SHANK2: variants seen among roughly 807,000 people sequenced by gnomAD.
SHANK2 encodes the protein SH3 and multiple ankyrin repeat domains protein 2.
SHANK2 carries 43 observed loss-of-function variants against 133.7 expected under a neutral mutation model. That is an observed-to-expected ratio of 0.32 (90% CI 0.25 to 0.41). SHANK2 has a LOEUF of 0.41. Among genes scored for constraint, SHANK2 ranks in the 10% least tolerant of loss-of-function variants. The probability of loss-of-function intolerance (pLI) is 1.00; values close to 1 mark genes in which losing one functional copy is unlikely to be tolerated. For synonymous variants in SHANK2, 1,017 were observed against 952.8 expected (o/e 1.07, Z -1.24); for missense variants, 1,994 against 2,235.8 (o/e 0.89, Z 2.18).
chr11:70,496,861 C>T (rs1034117600), intron 21 of SHANK2: 15 of 416,320 alleles, frequency 3.6e-5, no homozygotes, highest in African/African-American at 8.5e-5. Context: ...AACCACGAGG[C>T]GGGGGTGGGG....
At chr11:70,732,666 G>T (rs1264099478) in intron 14 of SHANK2, among the ~76,000 whole-genome samples, 6 of 152,174 alleles carry the variant, frequency 3.9e-5, no homozygotes, top group African/African-American at 1.4e-4. Context: ...TGCTGTTCCT[G>T]CTGCCTGCAG....
intron 6 of SHANK2, among the ~76,000 whole-genome samples, chr11:71,105,919 C>T (rs7929323): frequency 0.52 from 78,362 of 151,950 alleles, 20,717 homozygotes; most frequent in South Asian, 0.66. Context: ...CAGCACCAAG[C>T]GTAAACCCTC....
intron 2 of SHANK2, among the ~76,000 whole-genome samples, chr11:71,192,673 T>C (rs1555115631): frequency 1.1e-4 from 16 of 152,180 alleles, no homozygotes. Context: ...AATGACCTAA[T>C]CAATCCAATT....
rs1554973946 is a variant in SHANK2, at chr11:70,535,190, A to C, written c.2062-32259T>G. On this transcript the variant is annotated intron_variant, in intron 17 of 25. Coordinates refer to ENST00000601538, the MANE Select transcript of SHANK2 (RefSeq NM_012309.5). This position sits in a 1 kb window ranked among gnomAD's most constrained non-coding sequence, Gnocchi z 4.3. ...TCCCACCCTCTATTATCCATTTTCC[A>C]TCCATCTGCTCACCTAATCCATCTT... Among the ~76,000 whole-genome samples the C allele has an allele frequency of 6.6e-6, 1 of 152,004 alleles. No individual in the cohort carries two copies. Among genetic ancestry groups the C allele is most frequent in the Non-Finnish European group, 1.5e-5 (1 of 67,988 alleles).
chr11:70,626,103 C>T (rs371746172), intron 17 of SHANK2, among the ~76,000 whole-genome samples: 15 of 152,174 alleles, frequency 9.9e-5, no homozygotes, highest in East Asian at 3.9e-4. Flanking sequence ...CCCGCACACA[C>T]GGTTGCTAAG....
At chr11:70,636,351 AC>A (rs2134121807) in intron 17 of SHANK2, among the ~76,000 whole-genome samples, 1 of 151,676 alleles carries the variant, frequency 6.6e-6, no homozygotes, top group South Asian at 2.1e-4. Flanking sequence ...GCGTGTTAGT[AC>A]ATGTGCATAT....
At chr11:70,659,760 A>G in intron 17 of SHANK2, 68 bp downstream of exon 17, 8 of 1,601,734 alleles carry the variant, frequency 5.0e-6, no homozygotes, top group Non-Finnish European at 6.8e-6. Context: ...TGCTGCCAGG[A>G]CTACGACCCT....
intron 3 of SHANK2, among the ~76,000 whole-genome samples, chr11:71,120,263 C>G (rs575222642): frequency 6.6e-6 from 1 of 152,314 alleles, no homozygotes; most frequent in South Asian, 2.1e-4. Context: ...GCCATGACTT[C>G]TAATTTTTGT....
At chr11:70,849,887 G>A (rs1949057236) in intron 11 of SHANK2, among the ~76,000 whole-genome samples, 1 of 152,084 alleles carries the variant, frequency 6.6e-6, no homozygotes, top group South Asian at 2.1e-4. Context: ...TAAGTGTACA[G>A]GTCAGTGACA....
rs1403754233 is a variant in SHANK2, at chr11:71,212,233, C to G, written c.-13+12464G>C. 2.0e-5 allele frequency among the ~76,000 whole-genome samples: 3 copies of G among 152,130 alleles called. No homozygotes were observed. The East Asian group carries it at 5.8e-4, about 29-fold the overall frequency. On this transcript the variant is annotated intron_variant, in intron 2 of 25. Transcript: ENST00000601538. ...ATGCTCTCTTATGCTACAGTTGGGTCTTAGAGACTCCTCATGGTTCAAGCA... is the reference window on the plus strand; with the variant it reads ...ATGCTCTCTTATGCTACAGTTGGGTGTTAGAGACTCCTCATGGTTCAAGCA...
rs970017626 is a variant in SHANK2, at chr11:70,804,137, G to A, written c.1663+2865C>T. 1.2e-4 allele frequency among the ~76,000 whole-genome samples: 18 copies of A among 152,144 alleles called. No individual in the cohort carries two copies. The highest frequency in any genetic ancestry group is 3.3e-4 in the Admixed American group (5 of 15,280). On this transcript the variant is annotated intron_variant, in intron 13 of 25. Coordinates refer to ENST00000601538, the MANE Select transcript of SHANK2 (RefSeq NM_012309.5). This position sits in a 1 kb window ranked among gnomAD's most constrained non-coding sequence, Gnocchi z 4.1. ...TTTGGTTTCTCTGGAAACCCTCCCAGACCTGCCCCTGCCAGCCAGGCAGCT... is the reference window on the plus strand; with the variant it reads ...TTTGGTTTCTCTGGAAACCCTCCCAAACCTGCCCCTGCCAGCCAGGCAGCT...
At chr11:70,784,833 C>T (rs1325779230) in intron 14 of SHANK2, among the ~76,000 whole-genome samples, 2 of 152,152 alleles carry the variant, frequency 1.3e-5, no homozygotes, top group Non-Finnish European at 2.9e-5. Context: ...GGGGCCAGGG[C>T]CCACGCTCCA....
At chr11:70,867,930 G>A (rs1399853316) in intron 11 of SHANK2, among the ~76,000 whole-genome samples, 1 of 152,176 alleles carries the variant, frequency 6.6e-6, no homozygotes, top group African/African-American at 2.4e-5. Context: ...CAGTGTGTTT[G>A]CTACCACTTA....
At chr11:70,475,163 A>G (rs2058646906) in intron 25 of SHANK2, 1 of 152,204 alleles carries the variant, frequency 6.6e-6, no homozygotes, top group Non-Finnish European at 1.5e-5. Context: ...TTAGAGCAGC[A>G]CTTCCCAAAG....
At chr11:70,678,787 C>T (rs868960026) in intron 15 of SHANK2, among the ~76,000 whole-genome samples, 3 of 151,716 alleles carry the variant, frequency 2.0e-5, no homozygotes, top group East Asian at 1.9e-4. Context: ...GTGATCCGCC[C>T]GCCTCGGCCT....
intron 15 of SHANK2, among the ~76,000 whole-genome samples, chr11:70,694,010 G>T (rs1480811416): frequency 6.6e-6 from 1 of 152,160 alleles, no homozygotes; most frequent in Non-Finnish European, 1.5e-5. Flanking sequence ...AATGGAGTCC[G>T]TTCAGCCTAA....
chr11:70,608,465 C>A (rs2060609895), intron 17 of SHANK2, among the ~76,000 whole-genome samples: 1 of 152,166 alleles, frequency 6.6e-6, no homozygotes, highest in African/African-American at 2.4e-5. Flanking sequence ...TAGGTCTGCA[C>A]CTCTGAGTTC....
At chr11:71,238,415 G>C (rs188072719) in intron 1 of SHANK2, among the ~76,000 whole-genome samples, 1 of 152,338 alleles carries the variant, frequency 6.6e-6, no homozygotes, top group Admixed American at 6.5e-5. Context: ...ACAGCTACCT[G>C]AGATATGTTA....
chr11:70,584,783 G>A (rs113268927), intron 17 of SHANK2, among the ~76,000 whole-genome samples: 9 of 152,264 alleles, frequency 5.9e-5, no homozygotes, highest in African/African-American at 2.2e-4. Context: ...CCCCTGATCC[G>A]TTGGTCTCGC....
Sources: gnomAD v4.1 joint callset for allele counts (sites outside exome capture counted in the v4.1 genomes callset) on GRCh38, gnomAD v4.1.1 for gene constraint, Gnocchi (gnomAD v3.1) non-coding constraint, MANE v1.5 for transcripts, NCBI Gene and HGNC (gene_info 2026-07-23, HGNC 2026-07-21) for gene names.